TMEM178B: variants seen among roughly 807,000 people sequenced by gnomAD.
TMEM178B encodes transmembrane protein 178B.
A neutral mutation model predicts 31.0 loss-of-function variants in TMEM178B; 5 were observed. The observed-to-expected ratio is 0.16, with a 90% CI of 0.08 to 0.34. TMEM178B has a LOEUF of 0.34. Ranked by LOEUF, TMEM178B falls within the 10% of genes least tolerant of loss-of-function variation. The pLI, the probability that TMEM178B is intolerant of heterozygous loss-of-function variation, is 1.00. For missense variants in TMEM178B, 275 were observed against 400.3 expected (o/e 0.69, Z 2.67); for synonymous variants, 164 against 164.0 (o/e 1.00, Z 0.00).
At chr7:141,320,387 G>T (rs1385958909) in intron 2 of TMEM178B, among the ~76,000 whole-genome samples, 1 of 152,110 alleles carries the variant, frequency 6.6e-6, no homozygotes, top group Non-Finnish European at 1.5e-5. Flanking sequence ...ACTCCACCAG[G>T]CATGCATATT....
chr7:141,381,998 A>G (rs1303572752), intron 2 of TMEM178B, among the ~76,000 whole-genome samples: 1 of 152,154 alleles, frequency 6.6e-6, no homozygotes, highest in Non-Finnish European at 1.5e-5. Flanking sequence ...CAGAATGTCT[A>G]ATATTTATCT....
At chr7:141,300,556 C>T (rs550469733) in intron 2 of TMEM178B, among the ~76,000 whole-genome samples, 35 of 152,214 alleles carry the variant, frequency 2.3e-4, no homozygotes, top group Admixed American at 3.9e-4. Context: ...TTCTCCTCTC[C>T]GCGAGCTTGG....
intron 2 of TMEM178B, among the ~76,000 whole-genome samples, chr7:141,324,117 G>A (rs988579757): frequency 2.0e-5 from 3 of 152,146 alleles, no homozygotes; most frequent in African/African-American, 7.2e-5. Flanking sequence ...AGAAACGTAG[G>A]GGGGAAGCAG....
chr7:141,427,287 A>G (rs2116662170), intron 2 of TMEM178B, among the ~76,000 whole-genome samples: 1 of 152,282 alleles, frequency 6.6e-6, no homozygotes. Flanking sequence ...CAAGCTGGAG[A>G]TGTCATACTT....
the TMEM178B span, among the ~76,000 whole-genome samples, chr7:141,500,509 A>T: frequency 6.6e-6 from 1 of 152,014 alleles, no homozygotes; most frequent in Admixed American, 6.6e-5. Flanking sequence ...TTAACTCCAA[A>T]CTCTATTTTG....
chr7:141,511,021 G>C, the TMEM178B span, among the ~76,000 whole-genome samples: 4 of 152,060 alleles, frequency 2.6e-5, no homozygotes, highest in African/African-American at 9.7e-5. Context: ...AGCTTGGAAC[G>C]TCAGCTCCAT....
chr7:141,398,096 C>T (rs1800690120), intron 2 of TMEM178B, among the ~76,000 whole-genome samples: 1 of 152,012 alleles, frequency 6.6e-6, no homozygotes, highest in Non-Finnish European at 1.5e-5. Context: ...GAGGGGTGTC[C>T]CAGTGTGTAC....
chr7:141,208,126 C>T (rs1017360925), intron 1 of TMEM178B, among the ~76,000 whole-genome samples: 3 of 152,026 alleles, frequency 2.0e-5, no homozygotes, highest in African/African-American at 4.8e-5. Flanking sequence ...CCAGGAGTTC[C>T]AGGCTGTAGT....
intron 2 of TMEM178B, among the ~76,000 whole-genome samples, chr7:141,227,114 C>A (rs539791995): frequency 7.7e-4 from 117 of 152,260 alleles, no homozygotes; most frequent in African/African-American, 2.8e-3. Flanking sequence ...CCTTAGGGAA[C>A]CTGAAGTCTC....
At chr7:141,236,317 GAA>G (rs1228908550) in intron 2 of TMEM178B, among the ~76,000 whole-genome samples, 5 of 152,220 alleles carry the variant, frequency 3.3e-5, no homozygotes, top group African/African-American at 4.8e-5. Flanking sequence ...GGAAAGAAGG[GAA>G]AGAGAGGAGA....
rs1345546628 is a variant in TMEM178B at position 141,171,047 on chromosome 7, CA to C, written c.383-41543del. ...ACACACACACACACACACACACACA[CA>C]CACACACACACACACACCCTAAATA... On this transcript the variant is annotated intron_variant, in intron 1 of 3. Transcript: ENST00000565468. This position sits in a 1 kb window ranked among gnomAD's most constrained non-coding sequence, Gnocchi z 4.3. Among the ~76,000 whole-genome samples the C allele has an allele frequency of 3.6e-4, 54 of 151,318 alleles. No homozygotes were observed. The highest frequency in any genetic ancestry group is 5.8e-4 in the East Asian group (3 of 5,168).
At chr7:141,294,388 C>T (rs1197557185) in intron 2 of TMEM178B, among the ~76,000 whole-genome samples, 2 of 152,162 alleles carry the variant, frequency 1.3e-5, no homozygotes, top group Admixed American at 1.3e-4. Context: ...AGACCCAAAG[C>T]AAGAAGCAGC....
intron 2 of TMEM178B, among the ~76,000 whole-genome samples, chr7:141,293,112 A>T (rs543986717): frequency 6.6e-6 from 1 of 152,282 alleles, no homozygotes; most frequent in South Asian, 2.1e-4. Flanking sequence ...GACTAGGGAG[A>T]AACCAAATCA....
At chr7:141,496,079 C>G in the TMEM178B span, among the ~76,000 whole-genome samples, 1 of 152,150 alleles carries the variant, frequency 6.6e-6, no homozygotes, top group Non-Finnish European at 1.5e-5. Flanking sequence ...GACCTGTGGG[C>G]CCCAGAGCTC....
chr7:141,412,606 A>G (rs1312044105), intron 2 of TMEM178B, among the ~76,000 whole-genome samples: 1 of 152,210 alleles, frequency 6.6e-6, no homozygotes, highest in Non-Finnish European at 1.5e-5. Context: ...ATTTGATCTG[A>G]ACCATTTGCT....
rs562622207 is a variant in TMEM178B at position 141,478,840 on chromosome 7, T to TGC, written c.*8055_*8056insCG. On this transcript the variant is annotated 3_prime_UTR_variant, in exon 4 of 4. Transcript: ENST00000565468. ...CTTAGGTTCTTCATTAGGAGACTGA[T>TGC]GGGGGGGGTCCTTCCTGGTGGGTCA... 7.9e-5 allele frequency: 12 copies of TGC among 151,810 alleles called. No homozygotes were observed. Among genetic ancestry groups the TGC allele is most frequent in the African/African-American group, 2.4e-4 (10 of 41,082 alleles). The allele number at this position is 151,810 out of a possible 1,614,324, so 9.4% of individuals were successfully genotyped here.
intron 2 of TMEM178B, among the ~76,000 whole-genome samples, chr7:141,289,905 C>T (rs777322849): frequency 9.2e-5 from 14 of 151,580 alleles, no homozygotes; most frequent in African/African-American, 1.5e-4. Flanking sequence ...GAGGCTGAAG[C>T]GGGAGGATCA....
chr7:141,208,068 CT>C (rs1476589137), intron 1 of TMEM178B, among the ~76,000 whole-genome samples: 1 of 152,266 alleles, frequency 6.6e-6, no homozygotes, highest in African/African-American at 2.4e-5. Context: ...TGGCATGTGC[CT>C]GTAGTCACAG....
intron 1 of TMEM178B, among the ~76,000 whole-genome samples, chr7:141,167,498 A>G (rs1187577610): frequency 6.6e-6 from 1 of 152,190 alleles, no homozygotes; most frequent in African/African-American, 2.4e-5. Context: ...AGGAATGACA[A>G]CTCTGAAGTG....
Sources: allele counts gnomAD v4.1 joint callset (sites outside exome capture counted in the v4.1 genomes callset), GRCh38; gene constraint gnomAD v4.1.1; non-coding constraint Gnocchi (gnomAD v3.1); transcripts MANE v1.5; gene names NCBI Gene and HGNC (gene_info 2026-07-23, HGNC 2026-07-21).